The following FHIT variants were observed in gnomAD, a reference collection of about 807,000 sequenced individuals.
FHIT encodes fragile histidine triad diadenosine triphosphatase.
In FHIT, 19 loss-of-function variants were observed where a neutral mutation model predicts 17.9. The ratio of observed to expected loss-of-function variants is 1.06; its 90% CI spans 0.74 to 1.56. FHIT has a LOEUF of 1.56. FHIT is among the 40% of genes most tolerant of loss of function. FHIT has a pLI of 0.00. For synonymous variants in FHIT, 81 were observed against 69.7 expected (o/e 1.16, Z -0.81); for missense variants, 248 against 189.2 (o/e 1.31, Z -1.82).
rs562118651 is a variant in FHIT, at chr3:60,035,098, C to T, written c.104-20946G>A. On this transcript the variant is annotated intron_variant, in intron 5 of 9. Transcript: ENST00000492590. ...AACCTGAGTCAGAGGATCAAGCCATCTGCTTATGACGGGGAGAGTCTCCTC... is the reference window on the plus strand; with the variant it reads ...AACCTGAGTCAGAGGATCAAGCCATTTGCTTATGACGGGGAGAGTCTCCTC... 2.6e-5 allele frequency among the ~76,000 whole-genome samples: 4 copies of T among 152,312 alleles called. No individual in the cohort carries two copies. In the East Asian group the frequency reaches 7.7e-4, roughly 29 times the overall value.
At chr3:61,013,447 GT>G in intron 3 of FHIT, among the ~76,000 whole-genome samples, 1 of 152,290 alleles carries the variant, frequency 6.6e-6, no homozygotes, top group Admixed American at 6.5e-5. Context: ...TTGAAATATG[GT>G]TCTATAATTA....
At chr3:60,428,879 C>G (rs950506480) in intron 5 of FHIT, among the ~76,000 whole-genome samples, 2 of 151,958 alleles carry the variant, frequency 1.3e-5, no homozygotes, top group African/African-American at 4.8e-5. Flanking sequence ...AAGAAAATAC[C>G]CAATATGAAT....
chr3:61,026,231 T>C (rs1240915871), intron 3 of FHIT, among the ~76,000 whole-genome samples: 1 of 152,120 alleles, frequency 6.6e-6, no homozygotes, highest in Non-Finnish European at 1.5e-5. Context: ...AGCTTTGTAC[T>C]CTCTGTCTGC....
chr3:60,414,513 C>A (rs1416004644), intron 5 of FHIT, among the ~76,000 whole-genome samples: 1 of 152,094 alleles, frequency 6.6e-6, no homozygotes, highest in Non-Finnish European at 1.5e-5. Context: ...TTATCTTTGC[C>A]AAAGGAAGGA....
intron 5 of FHIT, among the ~76,000 whole-genome samples, chr3:60,256,452 T>C (rs1385065999): frequency 6.6e-6 from 1 of 152,216 alleles, no homozygotes; most frequent in African/African-American, 2.4e-5. Context: ...GGTATTTTGT[T>C]ATAGAAGCAG....
In FHIT at chr3:59,968,794, C is replaced by T. The variant is rs562148005; in HGVS notation, c.279+42577G>A. ...CTAAAACACGCTCTGTGAACAAAAG[C>T]GCTTGCTGTCAAATGCTTTTGAGAG... is the stretch of plus-strand genomic sequence containing the variant. On this transcript the variant is annotated intron_variant, in intron 7 of 9. Transcript: ENST00000492590. Among the ~76,000 whole-genome samples, 3 of 152,320 alleles carry T rather than the reference C, an allele frequency of 2.0e-5. No individual in the cohort carries two copies. In the South Asian group the frequency reaches 6.2e-4, roughly 32 times the overall value.
chr3:60,439,718 C>T (rs1469194982), intron 5 of FHIT, among the ~76,000 whole-genome samples: 1 of 152,132 alleles, frequency 6.6e-6, no homozygotes, highest in African/African-American at 2.4e-5. Context: ...TGTCAAGAAT[C>T]ACTCTTTTCT....
intron 7 of FHIT, among the ~76,000 whole-genome samples, chr3:59,968,996 C>T (rs1241487985): frequency 1.3e-5 from 2 of 152,182 alleles, no homozygotes; most frequent in Non-Finnish European, 2.9e-5. Flanking sequence ...TCACAGTCAA[C>T]TGCTCTAATG....
intron 3 of FHIT, among the ~76,000 whole-genome samples, chr3:60,938,697 T>C (rs1182671957): frequency 1.3e-5 from 2 of 152,166 alleles, no homozygotes; most frequent in Non-Finnish European, 2.9e-5. Context: ...CCAATGTCCC[T>C]TGGCTGCAGC....
intron 3 of FHIT, among the ~76,000 whole-genome samples, chr3:60,838,872 G>C (rs1052635728): frequency 7.9e-5 from 12 of 152,140 alleles, no homozygotes; most frequent in Non-Finnish European, 1.6e-4. Flanking sequence ...AGCACTGCTT[G>C]AGAGAATCAG....
At chr3:60,455,075 A>G (rs567106721) in intron 5 of FHIT, among the ~76,000 whole-genome samples, 2 of 152,274 alleles carry the variant, frequency 1.3e-5, no homozygotes, top group East Asian at 3.9e-4. Context: ...CTTATTTTTA[A>G]AAAACAATAC....
At chr3:59,831,052 T>A (rs1431892967) in intron 8 of FHIT, among the ~76,000 whole-genome samples, 1 of 152,170 alleles carries the variant, frequency 6.6e-6, no homozygotes, top group Non-Finnish European at 1.5e-5. Flanking sequence ...GTTACCAGTG[T>A]GGGCTCAGTT....
At chr3:60,626,220 T>A (rs1330885916) in intron 4 of FHIT, among the ~76,000 whole-genome samples, 2 of 152,224 alleles carry the variant, frequency 1.3e-5, no homozygotes, top group African/African-American at 4.8e-5. Context: ...CTTGAATTTC[T>A]GTATGATTTT....
intron 3 of FHIT, among the ~76,000 whole-genome samples, chr3:60,960,256 A>T (rs1275024169): frequency 6.6e-6 from 1 of 152,142 alleles, no homozygotes; most frequent in Non-Finnish European, 1.5e-5. Context: ...CGACTGAGAG[A>T]TGACTTTCTT....
chr3:60,794,079 C>T (rs980036965), intron 4 of FHIT, among the ~76,000 whole-genome samples: 2 of 150,554 alleles, frequency 1.3e-5, no homozygotes, highest in African/African-American at 4.9e-5. Flanking sequence ...CCCCTTCTCT[C>T]ACCCCCACCT....
chr3:59,928,507 A>T (rs1426577869), intron 7 of FHIT, among the ~76,000 whole-genome samples: 1 of 152,256 alleles, frequency 6.6e-6, no homozygotes, highest in Non-Finnish European at 1.5e-5. Context: ...TAAGGGAAGT[A>T]TATCTAAAAT....
intron 5 of FHIT, among the ~76,000 whole-genome samples, chr3:60,023,623 T>C (rs1452210241): frequency 6.6e-6 from 1 of 151,974 alleles, no homozygotes; most frequent in African/African-American, 2.4e-5. Flanking sequence ...AGGCAAAAAG[T>C]AGCCAAACTA....
intron 7 of FHIT, among the ~76,000 whole-genome samples, chr3:59,954,786 C>G (rs949799325): frequency 6.6e-6 from 1 of 152,072 alleles, no homozygotes; most frequent in African/African-American, 2.4e-5. Flanking sequence ...CTAGGAGGGA[C>G]CAGGGAGATG....
intron 5 of FHIT, among the ~76,000 whole-genome samples, chr3:60,419,236 G>A (rs1348973237): frequency 3.3e-5 from 5 of 152,148 alleles, no homozygotes; most frequent in South Asian, 2.1e-4. Context: ...ATAAAGTTTC[G>A]TGAGGGTTGT....
Sources: gnomAD v4.1 joint callset for allele counts (sites outside exome capture counted in the v4.1 genomes callset) on GRCh38, gnomAD v4.1.1 for gene constraint, MANE v1.5 for transcripts, NCBI Gene and HGNC (gene_info 2026-07-23, HGNC 2026-07-21) for gene names.